CDON: variants seen among roughly 807,000 people sequenced by gnomAD.
The protein encoded by CDON is cell adhesion associated, oncogene regulated, also known as cell adhesion molecule-related/down-regulated by oncogenes.
In CDON, 73 loss-of-function variants were observed where a neutral mutation model predicts 120.9. The observed-to-expected ratio is 0.60, with a 90% CI of 0.50 to 0.73. CDON has a LOEUF of 0.73. Ranked by LOEUF, CDON falls within the 30% of genes least tolerant of loss-of-function variation. The pLI is 0.00. For synonymous variants in CDON, 566 were observed against 573.5 expected (o/e 0.99, Z 0.19); for missense variants, 1,470 against 1,587.3 (o/e 0.93, Z 1.26).
intron 13 of CDON, 80 bp from the exon 14 acceptor site, chr11:125,994,469 G>A: frequency 1.2e-6 from 1 of 820,290 alleles, no homozygotes; most frequent in South Asian, 1.4e-5. Context: ...TTATCTACTT[G>A]GTCACATTTT....
intron 18 of CDON, among the ~76,000 whole-genome samples, chr11:125,963,353 AC>A (rs1945702456): frequency 6.6e-6 from 1 of 152,094 alleles, no homozygotes. Context: ...ATGACATTGC[AC>A]TGGGCTTTGA....
intron 14 of CDON, among the ~76,000 whole-genome samples, chr11:125,991,605 T>A (rs966434271): frequency 2.0e-5 from 3 of 152,134 alleles, no homozygotes; most frequent in African/African-American, 7.2e-5. Flanking sequence ...GACTTTTAAT[T>A]TTATTTTCAA....
intron 1 of CDON, among the ~76,000 whole-genome samples, chr11:126,024,263 G>A (rs907871873): frequency 1.3e-5 from 2 of 152,116 alleles, no homozygotes; most frequent in Non-Finnish European, 2.9e-5. Context: ...AGGACACAGA[G>A]AAGGGGAATG....
intron 1 of CDON, among the ~76,000 whole-genome samples, chr11:126,045,269 G>A (rs910591588): frequency 5.3e-5 from 8 of 151,938 alleles, no homozygotes; most frequent in South Asian, 2.1e-4. Context: ...CTCGTGATCC[G>A]GCTGCCTCAG....
chr11:126,050,352 A>C (rs948078990), intron 1 of CDON, among the ~76,000 whole-genome samples: 2 of 152,116 alleles, frequency 1.3e-5, no homozygotes, highest in African/African-American at 4.8e-5. Context: ...CTTTTCTCCA[A>C]CATGCGAAAG....
rs1945652362 is a variant in CDON at position 125,961,802 on chromosome 11, T to C, written c.3553A>G (p.Thr1185Ala). The C allele has an allele frequency of 6.2e-7, 1 of 1,614,132 alleles. No individual in the cohort carries two copies. The highest frequency in any genetic ancestry group is 1.6e-4 in the Middle Eastern group (1 of 6,062). ...ATGTCCTGACAGCAGGTACGCTGAG[T>C]AGGGACTGGTTCCACATTGTCCTTG... ...SVKDNVEPVP[T>A]QRTCCQDIVN... Residue 1185 changes from threonine to alanine, a missense_variant, in exon 19 of 20, where the codon ACT (threonine) becomes GCT (alanine). By Grantham distance (58) the Thr-to-Ala change is moderately conservative. Transcript: ENST00000531738.
chr11:126,033,468 T>C (rs1431617485), intron 1 of CDON, among the ~76,000 whole-genome samples: 1 of 151,990 alleles, frequency 6.6e-6, no homozygotes, highest in Admixed American at 6.5e-5. Flanking sequence ...AACTCCTCAT[T>C]CAAAATAAAC....
At chr11:125,965,978 A>G (rs1046691109) in intron 18 of CDON, among the ~76,000 whole-genome samples, 1 of 152,166 alleles carries the variant, frequency 6.6e-6, no homozygotes, top group East Asian at 1.9e-4. Context: ...CTACTAAAAA[A>G]TACAAAAAAT....
At chr11:126,035,052 G>A (rs1209229609) in intron 1 of CDON, among the ~76,000 whole-genome samples, 2 of 152,180 alleles carry the variant, frequency 1.3e-5, no homozygotes, top group African/African-American at 4.8e-5. Flanking sequence ...CAGGTCCAGC[G>A]CTTTGCTTAG....
intron 14 of CDON, among the ~76,000 whole-genome samples, chr11:125,992,648 T>C (rs963784166): frequency 1.2e-4 from 18 of 152,212 alleles, no homozygotes; most frequent in African/African-American, 3.4e-4. Context: ...GCACCTACTA[T>C]GTGCTGAGCA....
intron 18 of CDON, among the ~76,000 whole-genome samples, chr11:125,973,161 G>A (rs1946054030): frequency 1.3e-5 from 2 of 151,064 alleles, no homozygotes; most frequent in South Asian, 4.2e-4. Flanking sequence ...TACTGCAACT[G>A]CCATCTAACT....
intron 5 of CDON, among the ~76,000 whole-genome samples, chr11:126,017,590 A>G (rs940873020): frequency 5.3e-5 from 8 of 152,184 alleles, no homozygotes; most frequent in African/African-American, 1.9e-4. Context: ...ATTCCCAACA[A>G]GTTCAGAAGC....
At chr11:126,032,925 T>C (rs1157816460) in intron 1 of CDON, among the ~76,000 whole-genome samples, 1 of 152,154 alleles carries the variant, frequency 6.6e-6, no homozygotes, top group African/African-American at 2.4e-5. Flanking sequence ...GGAGGATCCC[T>C]GGAGCCCAGG....
intron 1 of CDON, among the ~76,000 whole-genome samples, chr11:126,032,382 T>G (rs1390215165): frequency 6.6e-6 from 1 of 151,884 alleles, no homozygotes; most frequent in Non-Finnish European, 1.5e-5. Flanking sequence ...TAAGGATGTC[T>G]GGGCTGGAAA....
In CDON at chr11:125,956,842, C is replaced by T. The variant is rs1945500580; in HGVS notation, c.*4100G>A. On this transcript the variant is annotated 3_prime_UTR_variant, in exon 20 of 20. Transcript: ENST00000531738. ...ATTCTGTGGTTCTCACAGAGTTAGA[C>T]TTTATTAGATAAGGGGTTTCGGCTA... 1 of 986,706 alleles carries T rather than the reference C, an allele frequency of 1.0e-6. No homozygotes were observed. Among genetic ancestry groups the T allele is most frequent in the Admixed American group, 6.0e-5 (1 of 16,540 alleles). 61.1% of individuals were successfully genotyped at this position (986,706 alleles called of 1,614,324 possible). A position where few individuals can be genotyped will look rare whatever the true frequency, so the allele number is the denominator to read the frequency against.
rs1333574075 is a variant in CDON, at chr11:126,062,847, G to A, written c.-330C>T. On this transcript the variant is annotated 5_prime_UTR_variant, in exon 1 of 20. Coordinates refer to ENST00000531738, the MANE Select transcript of CDON (RefSeq NM_001378964.1). ...AGCCGGGCTCCCGGGCTCAGGGGAGGGGAGCTGAGGGGCGGAGTCACCGGG... is the reference window on the plus strand; with the variant it reads ...AGCCGGGCTCCCGGGCTCAGGGGAGAGGAGCTGAGGGGCGGAGTCACCGGG... 6.6e-6 allele frequency: 1 copy of A among 151,724 alleles called. No homozygotes were observed. The highest frequency in any genetic ancestry group is 1.5e-5 in the Non-Finnish European group (1 of 67,920). 9.4% of individuals were successfully genotyped at this position (151,724 alleles called of 1,614,324 possible).
intron 1 of CDON, among the ~76,000 whole-genome samples, chr11:126,027,552 A>G (rs1264663192): frequency 6.6e-6 from 1 of 152,322 alleles, no homozygotes; most frequent in East Asian, 1.9e-4. Context: ...AAGTTCCCCT[A>G]CATTGCTCTG....
At chr11:126,062,001 G>A (rs1324381859) in intron 1 of CDON, among the ~76,000 whole-genome samples, 1 of 152,308 alleles carries the variant, frequency 6.6e-6, no homozygotes, top group Admixed American at 6.5e-5. Flanking sequence ...GGAAGCTGCC[G>A]ACTGAAATAA....
chr11:126,053,502 A>G (rs1733579119), intron 1 of CDON, among the ~76,000 whole-genome samples: 2 of 152,038 alleles, frequency 1.3e-5, no homozygotes, highest in African/African-American at 4.8e-5. Flanking sequence ...ATCAAATCCA[A>G]CCGCTCTGAT....
Sources: gnomAD v4.1 joint callset for allele counts (sites outside exome capture counted in the v4.1 genomes callset) on GRCh38, gnomAD v4.1.1 for gene constraint, MANE v1.5 for transcripts, NCBI Gene and HGNC (gene_info 2026-07-23, HGNC 2026-07-21) for gene names.